Variants in EPB41L2 observed in about 807,000 individuals in gnomAD.
EPB41L2 encodes erythrocyte membrane protein band 4.1 like 2, also known as band 4.1-like protein 2.
A neutral mutation model predicts 113.0 loss-of-function variants in EPB41L2; 43 were observed. The observed-to-expected ratio is 0.38, with a 90% CI of 0.30 to 0.49. The LOEUF (loss-of-function observed/expected upper bound fraction) is 0.49. Ranked by LOEUF, EPB41L2 falls within the 20% of genes least tolerant of loss-of-function variation. The probability of loss-of-function intolerance (pLI) is 0.95; values close to 1 mark genes in which losing one functional copy is unlikely to be tolerated. For missense variants in EPB41L2, 1,147 were observed against 1,223.4 expected (o/e 0.94, Z 0.93); for synonymous variants, 442 against 436.7 (o/e 1.01, Z -0.15).
chr6:130,881,326 T>C (rs537718459), intron 12 of EPB41L2: 1 of 152,282 alleles, frequency 6.6e-6, no homozygotes, highest in African/African-American at 2.4e-5. Flanking sequence ...TTTTCAGAGG[T>C]AAGCAAGGAG....
Position 130,869,648 on chromosome 6 carries a change from T to G in EPB41L2, c.2522A>C (p.Glu841Ala), listed in dbSNP as rs1455863469. ...AACTTTCTGTGGCTCTTCCTCTGCT[T>G]CTTCTCCCATGTCTTGCTTAAGAGC... ...EGALKQDMGE[E>A]AEEEPQKVNG... Residue 841 changes from glutamate (E) to alanine (A), a missense_variant, in exon 15 of 20, where the codon GAA becomes GCA. By Grantham distance (107) the Glu-to-Ala change is moderately radical. Transcript: ENST00000337057. The G allele has an allele frequency of 6.2e-7, 1 of 1,614,074 alleles. No individual in the cohort carries two copies. The highest frequency in any genetic ancestry group is 1.3e-5 in the African/African-American group (1 of 74,930).
At chr6:130,854,119 G>C (rs1779545092) in intron 19 of EPB41L2, among the ~76,000 whole-genome samples, 1 of 152,174 alleles carries the variant, frequency 6.6e-6, no homozygotes. Context: ...TTAAATTTAT[G>C]ATAGTTCAAG....
Position 130,894,243 on chromosome 6 carries a change from C to T in EPB41L2, c.1487+101G>A, listed in dbSNP as rs1189283906. 9 of 907,354 alleles carry T rather than the reference C, an allele frequency of 9.9e-6. No individual in the cohort carries two copies. The East Asian group carries it at 1.5e-4, about 15-fold the overall frequency. 56.2% of individuals were successfully genotyped at this position (907,354 alleles called of 1,614,324 possible). Reference sequence around the variant, plus strand: ...GTATGTTCCCCAGGCTGGTCTCAAACTCCTGGGGTCAAGTGATCCTCCCAC... The same window carrying T: ...GTATGTTCCCCAGGCTGGTCTCAAATTCCTGGGGTCAAGTGATCCTCCCAC... On this transcript the variant is annotated intron_variant, in intron 10 of 19. Transcript: ENST00000337057.
chr6:130,990,523 A>T (rs1302866670), intron 1 of EPB41L2, among the ~76,000 whole-genome samples: 1 of 152,236 alleles, frequency 6.6e-6, no homozygotes, highest in Non-Finnish European at 1.5e-5. Flanking sequence ...AGGCTGGTTT[A>T]AAAAGAAAGA....
intron 19 of EPB41L2, among the ~76,000 whole-genome samples, chr6:130,849,010 C>A (rs538148367): frequency 1.9e-4 from 29 of 152,272 alleles, no homozygotes; most frequent in African/African-American, 6.5e-4. Context: ...TCAAACACAG[C>A]CTAGGACAGG....
rs7761647 is a variant in EPB41L2 at position 131,050,208 on chromosome 6, G to A, written c.-15+12947C>T. Among the ~76,000 whole-genome samples the A allele has an allele frequency of 9.7e-3, 1,470 of 151,992 alleles. 33 individuals are homozygous for A. The highest frequency in any genetic ancestry group is 0.031 in the African/African-American group (1,285 of 41,434). Reference sequence around the variant, plus strand: ...ACAAAAATTAGCTGGGCGTGGTGGCGGGCACCTGTAATCTCAGCTACTCAG... The same window carrying A: ...ACAAAAATTAGCTGGGCGTGGTGGCAGGCACCTGTAATCTCAGCTACTCAG... On this transcript the variant is annotated intron_variant, in intron 1 of 19. Transcript: ENST00000337057.
At chr6:130,912,996 G>A (rs1252967803) in intron 4 of EPB41L2, among the ~76,000 whole-genome samples, 1 of 152,140 alleles carries the variant, frequency 6.6e-6, no homozygotes, top group African/African-American at 2.4e-5. Context: ...TGTGAGCAGT[G>A]ATACAGATCC....
chr6:130,852,356 G>A (rs917398727), intron 19 of EPB41L2, among the ~76,000 whole-genome samples: 1 of 152,118 alleles, frequency 6.6e-6, no homozygotes, highest in Non-Finnish European at 1.5e-5. Flanking sequence ...TATAAGATGG[G>A]GCCTTATAGA....
At chr6:131,060,983 CTT>C (rs1474666865) in intron 1 of EPB41L2, among the ~76,000 whole-genome samples, 1 of 152,136 alleles carries the variant, frequency 6.6e-6, no homozygotes, top group Non-Finnish European at 1.5e-5. Context: ...TTTAAAATCA[CTT>C]TTAATCTTTT....
rs191400959 is a variant in EPB41L2 at position 130,839,901 on chromosome 6, T to C, written c.*703A>G. 1 of 152,308 alleles carries C rather than the reference T, an allele frequency of 6.6e-6. No individual in the cohort carries two copies. Among genetic ancestry groups the C allele is most frequent in the African/African-American group, 2.4e-5 (1 of 41,578 alleles). The allele number at this position is 152,308 out of a possible 1,614,324, so 9.4% of individuals were successfully genotyped here. A position where few individuals can be genotyped will look rare whatever the true frequency, so the allele number is the denominator to read the frequency against. On this transcript the variant is annotated 3_prime_UTR_variant, in exon 20 of 20. Coordinates refer to ENST00000337057, the MANE Select transcript of EPB41L2 (RefSeq NM_001431.4). ...GGTGCGGCAGGGTCTCTAAGCACAG[T>C]GCACAGTCAGTGAACTTCTTCATTA...
At chr6:130,964,588 A>G (rs1774533424) in intron 1 of EPB41L2, among the ~76,000 whole-genome samples, 1 of 152,098 alleles carries the variant, frequency 6.6e-6, no homozygotes, top group Non-Finnish European at 1.5e-5. Flanking sequence ...TAATAAATTC[A>G]TAATAAATGA....
chr6:130,863,665 T>C lies in EPB41L2; in HGVS notation c.2883A>G (p.Thr961=), dbSNP rs764936482. 1 of 1,613,374 alleles carries C rather than the reference T, an allele frequency of 6.2e-7. No individual in the cohort carries two copies. Among genetic ancestry groups the C allele is most frequent in the Non-Finnish European group, 8.5e-7 (1 of 1,179,330 alleles). The change falls in exon 18 of 20, where the codon ACA becomes ACG. Residue 961 remains threonine (T), a synonymous_variant. Transcript: ENST00000337057. The part of the protein sequence containing the change: ...ETRIEKRIVI[T]GDGDIDHDQA... ...GGTCATGATCAATATCTCCATCTCC[T>C]GTGATCACAATGCGTTTCTCAATTC...
At chr6:131,048,138 CAA>C (rs200522047) in intron 1 of EPB41L2, among the ~76,000 whole-genome samples, 8 of 53,026 alleles carry the variant, frequency 1.5e-4, no homozygotes, top group Non-Finnish European at 3.1e-4. Context: ...GACTCTGTCT[CAA>C]AAAAAAAAAA....
chr6:130,896,156 T>C (rs928142466), intron 8 of EPB41L2, among the ~76,000 whole-genome samples: 1 of 152,262 alleles, frequency 6.6e-6, no homozygotes, highest in African/African-American at 2.4e-5. Context: ...AACATTTTGA[T>C]ACCATTTAAA....
At chr6:131,060,148 A>G (rs1020634117) in intron 1 of EPB41L2, among the ~76,000 whole-genome samples, 24 of 152,268 alleles carry the variant, frequency 1.6e-4, no homozygotes, top group African/African-American at 5.8e-4. Flanking sequence ...GGCGTGCGCC[A>G]CCATGCCCGG....
At chr6:131,029,391 TAAAAAAAAAA>T (rs757528439) in intron 1 of EPB41L2, among the ~76,000 whole-genome samples, 2 of 119,466 alleles carry the variant, frequency 1.7e-5, no homozygotes, top group African/African-American at 3.3e-5. Context: ...AGCATTTGTT[TAAAAAAAAAA>T]AAAAAAAAAA....
At chr6:130,954,614 C>G (rs1032410930) in intron 3 of EPB41L2, among the ~76,000 whole-genome samples, 1 of 152,032 alleles carries the variant, frequency 6.6e-6, no homozygotes, top group Non-Finnish European at 1.5e-5. Flanking sequence ...GTACTAGATG[C>G]GTTAAAAGAT....
intron 14 of EPB41L2, among the ~76,000 whole-genome samples, chr6:130,875,662 T>G (rs990865810): frequency 6.6e-6 from 1 of 152,184 alleles, no homozygotes. Context: ...TCTTAACATT[T>G]ACTTCCTAGT....
intron 3 of EPB41L2, among the ~76,000 whole-genome samples, chr6:130,930,649 C>T (rs935760274): frequency 6.6e-6 from 1 of 151,968 alleles, no homozygotes; most frequent in Admixed American, 6.6e-5. Context: ...ATTAGATATG[C>T]CCAGCTGCCT....
Sources: gnomAD v4.1 joint callset for allele counts (sites outside exome capture counted in the v4.1 genomes callset) on GRCh38, gnomAD v4.1.1 for gene constraint, MANE v1.5 for transcripts, NCBI Gene and HGNC (gene_info 2026-07-23, HGNC 2026-07-21) for gene names.